DENND2B: variants seen among roughly 807,000 people sequenced by gnomAD.
The protein encoded by DENND2B is DENN domain containing 2B, also known as DENN domain-containing protein 2B.
In DENND2B, 32 loss-of-function variants were observed where a neutral mutation model predicts 116.0. The ratio of observed to expected loss-of-function variants is 0.28; its 90% confidence interval spans 0.21 to 0.37. The LOEUF (loss-of-function observed/expected upper bound fraction) is 0.37, where lower values mean the gene tolerates loss of function less well. Ranked by LOEUF, DENND2B falls within the 10% of genes least tolerant of loss-of-function variation. DENND2B has a pLI of 1.00. For missense variants in DENND2B, 1,276 were observed against 1,477.7 expected (o/e 0.86, Z 2.24); for synonymous variants, 588 against 583.9 (o/e 1.01, Z -0.10).
At chr11:8,870,841 G>A (rs1023676664) in intron 2 of DENND2B, 2 of 152,316 alleles carry the variant, frequency 1.3e-5, no homozygotes, top group Non-Finnish European at 2.9e-5. Flanking sequence ...TCACGGAGCT[G>A]GACACCGCTG....
chr11:8,697,109 T>C (rs2040497661), intron 17 of DENND2B, among the ~76,000 whole-genome samples: 1 of 152,188 alleles, frequency 6.6e-6, no homozygotes, highest in African/African-American at 2.4e-5. Context: ...GTAACTAGCC[T>C]ACGAGCTGCA....
intron 4 of DENND2B, among the ~76,000 whole-genome samples, chr11:8,722,703 G>A (rs567383821): frequency 1.1e-4 from 17 of 152,264 alleles, no homozygotes; most frequent in Non-Finnish European, 1.9e-4. Context: ...GGGCTGCTAT[G>A]GGGACATAAA....
chr11:8,898,807 C>T (rs899390689), intron 1 of DENND2B, among the ~76,000 whole-genome samples: 1 of 151,852 alleles, frequency 6.6e-6, no homozygotes, highest in Non-Finnish European at 1.5e-5. Flanking sequence ...CAGTTTTCAA[C>T]AAAAAATTGC....
At chr11:8,890,110 C>T (rs1159497358) in intron 1 of DENND2B, among the ~76,000 whole-genome samples, 3 of 152,224 alleles carry the variant, frequency 2.0e-5, no homozygotes, top group Non-Finnish European at 4.4e-5. Flanking sequence ...GCAGCCTCCA[C>T]TGCTGATACC....
At chr11:8,780,729 T>C (rs1217493111) in intron 1 of DENND2B, among the ~76,000 whole-genome samples, 2 of 152,222 alleles carry the variant, frequency 1.3e-5, no homozygotes, top group Non-Finnish European at 2.9e-5. Context: ...TCAGAGATTA[T>C]GCTTCTGAAA....
At chr11:8,767,037 T>G (rs1255721337) in intron 1 of DENND2B, among the ~76,000 whole-genome samples, 1 of 152,172 alleles carries the variant, frequency 6.6e-6, no homozygotes, top group Non-Finnish European at 1.5e-5. Flanking sequence ...GATCTCAGTC[T>G]GGCCAAGTCC....
chr11:8,829,055 G>A (rs990291549), intron 4 of DENND2B, among the ~76,000 whole-genome samples: 1 of 138,110 alleles, frequency 7.2e-6, no homozygotes, highest in Admixed American at 7.1e-5. Context: ...TTTGTGTGTG[G>A]TGTGTGTGGT....
Position 8,726,408 on chromosome 11 carries a change from G to GT in DENND2B, c.1341-200dup, listed in dbSNP as rs1320625954. ...AGGCCCCAGCCTGGGTGCCTGCAAT[G>GT]TGCCTTATCCTGAATAATACCGCTA... On this transcript the variant is annotated intron_variant, in intron 3 of 19. Coordinates refer to ENST00000313726, the MANE Select transcript of DENND2B (RefSeq NM_213618.2). 1.2e-5 allele frequency: 7 copies of GT among 607,260 alleles called. No homozygotes were observed. The African/African-American group carries it at 1.3e-4, about 11-fold the overall frequency. 37.6% of individuals were successfully genotyped at this position (607,260 alleles called of 1,614,324 possible). A position where few individuals can be genotyped will look rare whatever the true frequency, so the allele number is the denominator to read the frequency against.
chr11:8,901,316 A>G (rs1594360501), intron 1 of DENND2B, among the ~76,000 whole-genome samples: 1 of 132,250 alleles, frequency 7.6e-6, no homozygotes, highest in African/African-American at 2.9e-5. Flanking sequence ...TGCAACCTCC[A>G]CCTCCCAGGT....
intron 2 of DENND2B, among the ~76,000 whole-genome samples, chr11:8,732,103 G>A (rs558826536): frequency 6.6e-6 from 1 of 152,284 alleles, no homozygotes; most frequent in East Asian, 1.9e-4. Context: ...CTCTATCATT[G>A]AGGAAGCCAA....
chr11:8,845,330 C>T (rs1206145164), intron 3 of DENND2B: 3 of 152,066 alleles, frequency 2.0e-5, no homozygotes, highest in Admixed American at 6.5e-5. Flanking sequence ...GGTCAGGCCC[C>T]GTTAGTACTT....
intron 1 of DENND2B, among the ~76,000 whole-genome samples, chr11:8,909,596 T>C (rs1241454840): frequency 6.6e-6 from 1 of 152,070 alleles, no homozygotes; most frequent in Non-Finnish European, 1.5e-5. Context: ...TTGAAGGAAA[T>C]GTTTTGGAAT....
At chr11:8,794,530 A>T (rs2059649480) in intron 1 of DENND2B, among the ~76,000 whole-genome samples, 1 of 152,242 alleles carries the variant, frequency 6.6e-6, no homozygotes, top group Non-Finnish European at 1.5e-5. Context: ...AAGGAAGGTA[A>T]GAAAAGGAGA....
At chr11:8,846,195 C>G (rs2062806761) in intron 3 of DENND2B, among the ~76,000 whole-genome samples, 1 of 152,118 alleles carries the variant, frequency 6.6e-6, no homozygotes. Flanking sequence ...GGAATTGCAA[C>G]CTGGAAGCCT....
chr11:8,734,837 C>G (rs533103278), intron 2 of DENND2B, among the ~76,000 whole-genome samples: 1 of 151,462 alleles, frequency 6.6e-6, no homozygotes, highest in Non-Finnish European at 1.5e-5. Context: ...TCAGAGAATC[C>G]CTGTGAGAAA....
intron 10 of DENND2B, 93 bp downstream of exon 10, chr11:8,711,029 G>A (rs986404600): frequency 6.4e-7 from 1 of 1,554,928 alleles, no homozygotes; most frequent in African/African-American, 1.4e-5. Context: ...CTGTAGGAGA[G>A]GATGAGACTA....
chr11:8,710,588 C>G (rs1240977588), intron 11 of DENND2B, among the ~76,000 whole-genome samples: 3 of 152,120 alleles, frequency 2.0e-5, no homozygotes, highest in African/African-American at 4.8e-5. Flanking sequence ...ACTCCCTCCC[C>G]TTACTCCAGA....
At chr11:8,713,672 G>T (rs373945538) in intron 8 of DENND2B, among the ~76,000 whole-genome samples, 1 of 151,754 alleles carries the variant, frequency 6.6e-6, no homozygotes, top group African/African-American at 2.4e-5. Context: ...GAGCCACCGC[G>T]CCCGGCTGAG....
At chr11:8,710,977 A>G in intron 10 of DENND2B, 63 bp from the exon 11 acceptor site, 1 of 1,596,820 alleles carries the variant, frequency 6.3e-7, no homozygotes, top group South Asian at 1.1e-5. Flanking sequence ...AGCCCCCAAG[A>G]ATAGGGACCG....
Sources: gnomAD v4.1 joint callset for allele counts (sites outside exome capture counted in the v4.1 genomes callset) on GRCh38, gnomAD v4.1.1 for gene constraint, MANE v1.5 for transcripts, NCBI Gene and HGNC (gene_info 2026-07-23, HGNC 2026-07-21) for gene names.